The following GRIA4 variants were observed in gnomAD, a reference collection of about 807,000 sequenced individuals.
The protein encoded by GRIA4 is glutamate receptor 4.
GRIA4 carries 34 observed loss-of-function variants against 104.0 expected under a neutral mutation model. The ratio of observed to expected loss-of-function variants is 0.33; its 90% CI spans 0.25 to 0.44. GRIA4 has a LOEUF of 0.44. Among genes scored for constraint, GRIA4 ranks in the 20% least tolerant of loss-of-function variants. The pLI is 1.00. For synonymous variants in GRIA4, 386 were observed against 381.9 expected (o/e 1.01, Z -0.13); for missense variants, 750 against 1,096.5 (o/e 0.68, Z 4.46).
intron 13 of GRIA4, among the ~76,000 whole-genome samples, chr11:105,930,528 C>A (rs562117779): frequency 1.3e-5 from 2 of 152,178 alleles, no homozygotes; most frequent in Admixed American, 1.3e-4. Flanking sequence ...TAAACAAATG[C>A]AGCAGTAATT....
chr11:105,910,518 C>G lies in GRIA4; in HGVS notation c.1242C>G (p.Asn414Lys). 7.6e-6 allele frequency: 12 copies of G among 1,573,548 alleles called. No individual in the cohort carries two copies. The highest frequency in any genetic ancestry group is 1.0e-5 in the Non-Finnish European group (12 of 1,143,082). ...GCAATGACACAGCTGCTATTGAGAA[C>G]AGAACAGTGGTTGTAACCACAATTA... Reference protein sequence around the residue: ...TLGNDTAAIENRTVVVTTIME... With the variant: ...TLGNDTAAIEKRTVVVTTIME... Residue 414 changes from asparagine (N) to lysine (K), a missense_variant, in exon 10 of 17, where the codon AAC becomes AAG. By Grantham distance (94) the Asn-to-Lys change is moderately conservative. Transcript: ENST00000282499.
intron 3 of GRIA4, among the ~76,000 whole-genome samples, chr11:105,617,053 A>T (rs1044201322): frequency 6.6e-6 from 1 of 150,470 alleles, no homozygotes; most frequent in Non-Finnish European, 1.5e-5. Flanking sequence ...ATTTTTTTTC[A>T]ATCTGGAAAG....
intron 3 of GRIA4, among the ~76,000 whole-genome samples, chr11:105,653,023 T>G (rs1468384877): frequency 6.6e-6 from 1 of 152,188 alleles, no homozygotes; most frequent in Admixed American, 6.5e-5. Flanking sequence ...GCCCTTCTCC[T>G]GCCTCAGCCT....
intron 6 of GRIA4, among the ~76,000 whole-genome samples, chr11:105,893,401 T>C (rs1031659493): frequency 6.6e-6 from 1 of 152,120 alleles, no homozygotes. Context: ...TAAGAAAATA[T>C]ATGAAAGAAA....
chr11:105,974,934 A>C (rs1408774018), intron 16 of GRIA4: 2 of 178,832 alleles, frequency 1.1e-5, no homozygotes, highest in East Asian at 2.7e-4. Context: ...ATAAGCACAA[A>C]ATCTGTTCCA....
intron 4 of GRIA4, among the ~76,000 whole-genome samples, chr11:105,761,884 T>C (rs1341603554): frequency 6.6e-6 from 1 of 152,240 alleles, no homozygotes; most frequent in Non-Finnish European, 1.5e-5. Context: ...AAATATTGTG[T>C]GATTATTTAA....
intron 14 of GRIA4, among the ~76,000 whole-genome samples, chr11:105,942,795 T>C (rs1948214843): frequency 6.6e-6 from 1 of 152,098 alleles, no homozygotes; most frequent in Non-Finnish European, 1.5e-5. Flanking sequence ...TTTTAAAAAC[T>C]AGATAAACTC....
intron 3 of GRIA4, among the ~76,000 whole-genome samples, chr11:105,730,173 T>G (rs561897587): frequency 7.0e-4 from 107 of 152,276 alleles, no homozygotes; most frequent in African/African-American, 2.5e-3. Context: ...ATAAGCAACT[T>G]CAGCAAAGTC....
At chr11:105,960,118 T>C (rs1246562429) in intron 14 of GRIA4, among the ~76,000 whole-genome samples, 3 of 152,204 alleles carry the variant, frequency 2.0e-5, no homozygotes, top group Non-Finnish European at 4.4e-5. Flanking sequence ...CAGGACCTAT[T>C]CAATGAAGCA....
intron 3 of GRIA4, among the ~76,000 whole-genome samples, chr11:105,688,594 T>TAAAG (rs1357319563): frequency 1.1e-4 from 17 of 152,074 alleles, no homozygotes; most frequent in Admixed American, 1.1e-3. Flanking sequence ...AAATAAAAAA[T>TAAAG]AAAGTGGTAT....
chr11:105,792,363 A>T (rs1010599024), intron 4 of GRIA4, among the ~76,000 whole-genome samples: 3 of 152,314 alleles, frequency 2.0e-5, no homozygotes, highest in Admixed American at 6.5e-5. Flanking sequence ...GCCTAAAAGC[A>T]TTGTATAAGA....
chr11:105,898,125 TC>T (rs1489632582), intron 6 of GRIA4, 143 bp from the exon 7 acceptor site: 4 of 460,700 alleles, frequency 8.7e-6, no homozygotes, highest in African/African-American at 8.1e-5. Context: ...ATTTTCCACA[TC>T]TTTTATTATC....
At chr11:105,687,296 C>A (rs1344412729) in intron 3 of GRIA4, among the ~76,000 whole-genome samples, 4 of 152,078 alleles carry the variant, frequency 2.6e-5, no homozygotes, top group Admixed American at 2.6e-4. Context: ...TAGATTTGGA[C>A]CCCAGTGATC....
At chr11:105,873,798 T>C (rs985202084) in intron 5 of GRIA4, among the ~76,000 whole-genome samples, 7 of 152,206 alleles carry the variant, frequency 4.6e-5, no homozygotes, top group African/African-American at 1.7e-4. Context: ...TTAAGTTCCT[T>C]GTAGATTCTG....
At chr11:105,660,648 T>C (rs983868475) in intron 3 of GRIA4, among the ~76,000 whole-genome samples, 10 of 151,396 alleles carry the variant, frequency 6.6e-5, no homozygotes, top group Non-Finnish European at 1.3e-4. Flanking sequence ...TAGGACTGGG[T>C]TTTCTGAAAG....
intron 5 of GRIA4, among the ~76,000 whole-genome samples, chr11:105,864,167 C>T (rs1945325920): frequency 6.6e-6 from 1 of 152,128 alleles, no homozygotes; most frequent in Admixed American, 6.6e-5. Context: ...ATAATGTACT[C>T]TTAATTGTCC....
chr11:105,950,582 T>A (rs1489536549), intron 14 of GRIA4, among the ~76,000 whole-genome samples: 1 of 152,176 alleles, frequency 6.6e-6, no homozygotes, highest in East Asian at 1.9e-4. Context: ...TGGAAGAAAA[T>A]CTTACCATCT....
chr11:105,720,144 T>C (rs1937692031), intron 3 of GRIA4, among the ~76,000 whole-genome samples: 1 of 151,896 alleles, frequency 6.6e-6, no homozygotes, highest in Admixed American at 6.6e-5. Context: ...CAAAAGTACT[T>C]TCCTAAAAAT....
chr11:105,886,180 C>CTTATTTAT (rs139622131), intron 5 of GRIA4, among the ~76,000 whole-genome samples: 3 of 151,408 alleles, frequency 2.0e-5, no homozygotes, highest in African/African-American at 4.9e-5. Context: ...ATGTTCTGAT[C>CTTATTTAT]TTATTTATTT....
Sources: allele counts gnomAD v4.1 joint callset (sites outside exome capture counted in the v4.1 genomes callset), GRCh38; gene constraint gnomAD v4.1.1; transcripts MANE v1.5; gene names NCBI Gene and HGNC (gene_info 2026-07-23, HGNC 2026-07-21).